The following CLTC variants were observed in gnomAD, a reference collection of about 807,000 sequenced individuals.
CLTC encodes clathrin heavy chain 1.
Under a neutral mutation model 195.8 loss-of-function variants are expected in CLTC, and 16 were observed. The observed-to-expected ratio is 0.08, with a 90% CI of 0.06 to 0.12. The LOEUF (loss-of-function observed/expected upper bound fraction) is 0.12. CLTC is among the 10% of genes least tolerant of loss of function. The probability of loss-of-function intolerance (pLI) is 1.00; values close to 1 mark genes in which losing one functional copy is unlikely to be tolerated. For synonymous variants in CLTC, 667 were observed against 689.4 expected (o/e 0.97, Z 0.51); for missense variants, 796 against 2,027.0 (o/e 0.39, Z 11.66).
chr17:59,640,242 TCTTTTGAGTATATAA>T (rs2031988855), intron 1 of CLTC, among the ~76,000 whole-genome samples: 1 of 152,214 alleles, frequency 6.6e-6, no homozygotes, highest in Non-Finnish European at 1.5e-5. Flanking sequence ...GGCATATTTC[TCTTTTGAGTATATAA>T]CAGGAAAATA....
chr17:59,652,866 C>A (rs1421498850), intron 5 of CLTC, among the ~76,000 whole-genome samples: 1 of 152,214 alleles, frequency 6.6e-6, no homozygotes, highest in Non-Finnish European at 1.5e-5. Flanking sequence ...CAGGCATTGA[C>A]TTCTCTGTAG....
At chr17:59,672,708 C>A (rs957339828) in intron 14 of CLTC, among the ~76,000 whole-genome samples, 8 of 152,074 alleles carry the variant, frequency 5.3e-5, no homozygotes, top group African/African-American at 1.9e-4. Flanking sequence ...GACTAGTCTT[C>A]GTATTATTTA....
intron 1 of CLTC, among the ~76,000 whole-genome samples, chr17:59,643,132 G>GGGGTGTGTGT (rs747258707): frequency 6.3e-5 from 9 of 142,318 alleles, no homozygotes; most frequent in South Asian, 4.5e-4. Flanking sequence ...TCTTTTCTGG[G>GGGGTGTGTGT]GTGTGTGTGT....
chr17:59,694,001 G>A lies in CLTC; in HGVS notation c.*149G>A. On this transcript the variant is annotated 3_prime_UTR_variant, in exon 32 of 32. Coordinates refer to ENST00000269122, the MANE Select transcript of CLTC (RefSeq NM_004859.4). ...CTTTTTGTTTCTAACTATAAACTTG[G>A]ATCACCTATGTTAAAACCTTATTTC... 2 of 758,670 alleles carry A rather than the reference G, an allele frequency of 2.6e-6. No individual in the cohort carries two copies. Among genetic ancestry groups the A allele is most frequent in the Non-Finnish European group, 1.9e-6 (1 of 518,844 alleles). The allele number at this position is 758,670 out of a possible 1,614,324, so 47.0% of individuals were successfully genotyped here.
chr17:59,691,594 A>C (rs993844458), intron 31 of CLTC, among the ~76,000 whole-genome samples: 1 of 150,662 alleles, frequency 6.6e-6, no homozygotes, highest in African/African-American at 2.4e-5. Context: ...ACTGCAGTCC[A>C]GCCTGGGTGA....
At position 59,681,162 on chromosome 17, in the gene CLTC, T is replaced by A. The variant is rs2033073008; in HGVS notation, c.3065+105T>A. On this transcript the variant is annotated intron_variant, in intron 19 of 31. Coordinates refer to ENST00000269122, the MANE Select transcript of CLTC (RefSeq NM_004859.4). This position sits in a 1 kb window ranked among gnomAD's most constrained non-coding sequence, Gnocchi z 5.0. ...AAAAGATCAGAGAAAGTTGCCTGAA[T>A]TCTCACTCTTCTAATATCCTCCCCC... 6.8e-7 allele frequency: 1 copy of A among 1,464,514 alleles called. No individual in the cohort carries two copies. Among genetic ancestry groups the A allele is most frequent in the Non-Finnish European group, 9.3e-7 (1 of 1,076,894 alleles). 90.7% of individuals were successfully genotyped at this position (1,464,514 alleles called of 1,614,324 possible).
At chr17:59,669,281 C>T (rs1435909258) in intron 14 of CLTC, among the ~76,000 whole-genome samples, 1 of 152,172 alleles carries the variant, frequency 6.6e-6, no homozygotes, top group Non-Finnish European at 1.5e-5. Context: ...TGAATATTAA[C>T]ATCAGCTTGC....
At position 59,694,685 on chromosome 17, in the gene CLTC, A is replaced by ACACTCAAC. The variant is rs2033382934; in HGVS notation, c.*833_*834insCACTCAAC. On this transcript the variant is annotated 3_prime_UTR_variant, in exon 32 of 32. Coordinates refer to ENST00000269122, the MANE Select transcript of CLTC (RefSeq NM_004859.4). ...CTGAGTGTACAGAAGAGAGAAATTC[A>ACACTCAAC]AACAAAATATTGCTGTTCTTCAGTT... 1 of 225,998 alleles carries ACACTCAAC rather than the reference A, an allele frequency of 4.4e-6. No homozygotes were observed. The highest frequency in any genetic ancestry group is 2.2e-5 in the African/African-American group (1 of 44,960). 14.0% of individuals were successfully genotyped at this position (225,998 alleles called of 1,614,324 possible).
rs2032581648 is a variant in CLTC at position 59,660,393 on chromosome 17, T to C, written c.972T>C (p.Val324=). The part of the protein sequence containing the change: ...GIIGVNRKGQ[V]LSVCVEEENI... ...ACATTTTATTCTTTAAATTGCAGGT[T>C]CTGTCAGTGTGTGTGGAAGAAGAAA... Residue 324 remains valine, a splice_region_variant and synonymous_variant, in exon 7 of 32, where the codon GTT becomes GTC. Transcript: ENST00000269122. 1.2e-6 allele frequency: 2 copies of C among 1,613,304 alleles called. No homozygotes were observed. Among genetic ancestry groups the C allele is most frequent in the African/African-American group, 2.7e-5 (2 of 74,924 alleles).
chr17:59,623,493 T>C lies in CLTC; in HGVS notation c.42+3320T>C, dbSNP rs115093013. ...TTAGGAAATAAGACACAGAATGGTG[T>C]GTATGTAGAACACAATCATTTTCAT... is the stretch of plus-strand genomic sequence containing the variant. On this transcript the variant is annotated intron_variant, in intron 1 of 31. Transcript: ENST00000269122. Among the ~76,000 whole-genome samples the C allele has an allele frequency of 2.2e-3, 333 of 152,336 alleles. 3 individuals carry two copies. The highest frequency in any genetic ancestry group is 7.6e-3 in the African/African-American group (317 of 41,576).
chr17:59,631,343 C>T (rs2031709154), intron 1 of CLTC, among the ~76,000 whole-genome samples: 1 of 152,208 alleles, frequency 6.6e-6, no homozygotes, highest in South Asian at 2.1e-4. Context: ...TGCTGTAGAA[C>T]TCTCTGCATT....
intron 31 of CLTC, among the ~76,000 whole-genome samples, chr17:59,692,158 AG>A (rs772879121): frequency 6.6e-6 from 1 of 152,174 alleles, no homozygotes. Context: ...CTCTACTAAA[AG>A]TACAAAAATT....
At chr17:59,674,184 AAGAAT>A (rs2032915844) in intron 15 of CLTC, among the ~76,000 whole-genome samples, 2 of 152,204 alleles carry the variant, frequency 1.3e-5, no homozygotes, top group Non-Finnish European at 2.9e-5. Flanking sequence ...TGTAAAATAT[AAGAAT>A]AGAACTGCTA....
chr17:59,647,889 C>T (rs1009768749), intron 3 of CLTC, among the ~76,000 whole-genome samples: 1 of 151,990 alleles, frequency 6.6e-6, no homozygotes, highest in Non-Finnish European at 1.5e-5. Context: ...TTTCAGAATG[C>T]TCTTACCAAG....
At chr17:59,655,486 G>A (rs1380809826) in intron 5 of CLTC, among the ~76,000 whole-genome samples, 1 of 152,216 alleles carries the variant, frequency 6.6e-6, no homozygotes, top group Non-Finnish European at 1.5e-5. Context: ...ACTGAAGAGA[G>A]CACATGCTGT....
chr17:59,666,451 A>G lies in CLTC; in HGVS notation c.1783-29A>G. ...ATTACTCATGTAAGTGGAGTGGACA[A>G]TAAACTTGCCTTGTTTGTGGTTTTA... On this transcript the variant is annotated intron_variant, in intron 11 of 31. Transcript: ENST00000269122. The surrounding 1 kb of genome is among the most constrained non-coding windows in gnomAD (Gnocchi z 4.9). 1.2e-6 allele frequency: 2 copies of G among 1,606,798 alleles called. No individual in the cohort carries two copies. Among genetic ancestry groups the G allele is most frequent in the East Asian group, 2.2e-5 (1 of 44,762 alleles).
chr17:59,664,622 G>A, intron 9 of CLTC, 165 bp from the exon 10 acceptor site: 1 of 518,226 alleles, frequency 1.9e-6, no homozygotes, highest in Non-Finnish European at 3.2e-6. Flanking sequence ...ACAGATGTTT[G>A]TTCAAATATG....
At chr17:59,622,670 A>G (rs529412925) in intron 1 of CLTC, among the ~76,000 whole-genome samples, 9 of 152,318 alleles carry the variant, frequency 5.9e-5, no homozygotes, top group African/African-American at 2.2e-4. Context: ...CACCGAGCCC[A>G]ACTAATAAGG....
At chr17:59,639,302 T>G (rs1427968078) in intron 1 of CLTC, among the ~76,000 whole-genome samples, 5 of 152,180 alleles carry the variant, frequency 3.3e-5, no homozygotes, top group Non-Finnish European at 7.3e-5. Context: ...TGGGTGACTT[T>G]TCATAGTATA....
Sources: allele counts gnomAD v4.1 joint callset (sites outside exome capture counted in the v4.1 genomes callset), GRCh38; gene constraint gnomAD v4.1.1; non-coding constraint Gnocchi (gnomAD v3.1); transcripts MANE v1.5; gene names NCBI Gene and HGNC (gene_info 2026-07-23, HGNC 2026-07-21).